Variants in SUMF1 observed in about 807,000 individuals in gnomAD.
SUMF1 encodes the protein sulfatase modifying factor 1, also known as formylglycine-generating enzyme.
In SUMF1, 48 loss-of-function variants were observed where a neutral mutation model predicts 47.6. The ratio of observed to expected loss-of-function variants is 1.01; its 90% CI spans 0.80 to 1.28. The LOEUF is 1.28. Among genes scored for constraint, SUMF1 ranks in the 50% most tolerant of loss-of-function variants. SUMF1 has a pLI of 0.00. For synonymous variants in SUMF1, 230 were observed against 192.1 expected, an observed-to-expected ratio of 1.20 and a Z score of -1.63; for missense variants, 571 against 485.4, an observed-to-expected ratio of 1.18 and a Z score of -1.66.
rs528375635 is a variant in SUMF1, at chr3:4,421,049, T to C, written c.520-903A>G. Among the ~76,000 whole-genome samples, 6 of 152,306 alleles carry C rather than the reference T, an allele frequency of 3.9e-5. No individual in the cohort carries two copies. In the East Asian group the frequency reaches 9.7e-4, roughly 25 times the overall value. Reference sequence around the variant, plus strand: ...GGTCAAGTGAGGTAAGATTGGAAAATGCTCAGCAAACAGTAACTAGAACCT... The same window carrying C: ...GGTCAAGTGAGGTAAGATTGGAAAACGCTCAGCAAACAGTAACTAGAACCT... On this transcript the variant is annotated intron_variant, in intron 3 of 8. Coordinates refer to ENST00000272902, the MANE Select transcript of SUMF1 (RefSeq NM_182760.4).
At chr3:4,132,795 G>C (rs971919644) in intron 8 of SUMF1, among the ~76,000 whole-genome samples, 3 of 152,112 alleles carry the variant, frequency 2.0e-5, no homozygotes, top group Admixed American at 1.3e-4. Flanking sequence ...CTATCAAGAA[G>C]AAATCAGTCT....
chr3:4,234,715 C>G (rs951606839), intron 8 of SUMF1, among the ~76,000 whole-genome samples: 27 of 152,062 alleles, frequency 1.8e-4, no homozygotes, highest in African/African-American at 6.0e-4. Flanking sequence ...AAGGGAATAT[C>G]TCAGCCAACT....
At chr3:4,264,313 G>C (rs907218819) in intron 8 of SUMF1, among the ~76,000 whole-genome samples, 1 of 152,270 alleles carries the variant, frequency 6.6e-6, no homozygotes, top group Admixed American at 6.5e-5. Flanking sequence ...GCTAATGAGG[G>C]AATCTGGGAA....
chr3:4,124,150 A>G (rs1020576828), intron 8 of SUMF1, among the ~76,000 whole-genome samples: 2 of 152,170 alleles, frequency 1.3e-5, no homozygotes, highest in East Asian at 3.8e-4. Context: ...TAAAAATCTC[A>G]TTTATAAGCA....
chr3:4,397,581 C>G (rs1428531708), intron 7 of SUMF1, among the ~76,000 whole-genome samples: 2 of 152,126 alleles, frequency 1.3e-5, no homozygotes, highest in Admixed American at 1.3e-4. Context: ...TTTCAGAGAA[C>G]CACTTGAAGA....
chr3:4,136,990 G>C (rs1693948899), intron 8 of SUMF1, among the ~76,000 whole-genome samples: 1 of 152,108 alleles, frequency 6.6e-6, no homozygotes, highest in African/African-American at 2.4e-5. Flanking sequence ...CGGAGGGGAT[G>C]TGGAGAAATA....
intron 3 of SUMF1, among the ~76,000 whole-genome samples, chr3:4,434,375 T>C (rs545985664): frequency 2.0e-4 from 30 of 152,258 alleles, no homozygotes; most frequent in Non-Finnish European, 3.5e-4. Context: ...TATTTCATAG[T>C]AAATTTCACA....
chr3:4,110,429 G>T (rs1436453616), intron 8 of SUMF1, among the ~76,000 whole-genome samples: 1 of 152,110 alleles, frequency 6.6e-6, no homozygotes, highest in Non-Finnish European at 1.5e-5. Flanking sequence ...GTGGAAGACA[G>T]TGCGGCAATT....
chr3:4,430,886 A>G (rs958769687), intron 3 of SUMF1, among the ~76,000 whole-genome samples: 9 of 152,146 alleles, frequency 5.9e-5, no homozygotes, highest in African/African-American at 2.2e-4. Flanking sequence ...ACAGGAGGCC[A>G]CCTGTATTAC....
rs368656710 is a variant in SUMF1 at position 4,086,383 on chromosome 3, C to T, written c.1015-17638G>A. ...CTTCACCTCTCCGGGACTTATTTTC[C>T]TCTGTGAAATTAAGAGGTTGGGTTA... is the stretch of plus-strand genomic sequence containing the variant. On this transcript the variant is annotated intron_variant and NMD_transcript_variant, in intron 8 of 12. Transcript: ENST00000448413. Among the ~76,000 whole-genome samples, 13 of 152,064 alleles carry T rather than the reference C, an allele frequency of 8.5e-5. 3 individuals are homozygous for T. The highest frequency in any genetic ancestry group is 6.6e-5 in the Admixed American group (1 of 15,264).
intron 9 of SUMF1, among the ~76,000 whole-genome samples, chr3:4,062,958 G>T (rs1360714304): frequency 2.0e-5 from 3 of 151,990 alleles, no homozygotes; most frequent in Non-Finnish European, 2.9e-5. Flanking sequence ...TGCTTTCCTT[G>T]GTTGCCTTAT....
intron 8 of SUMF1, among the ~76,000 whole-genome samples, chr3:4,148,723 G>A (rs1221620058): frequency 6.6e-6 from 1 of 152,054 alleles, no homozygotes; most frequent in African/African-American, 2.4e-5. Context: ...ACAGTCAATG[G>A]ACCACATTTG....
intron 8 of SUMF1, among the ~76,000 whole-genome samples, chr3:4,352,624 C>G (rs553149340): frequency 6.6e-6 from 1 of 151,240 alleles, no homozygotes; most frequent in African/African-American, 2.4e-5. Flanking sequence ...TTGCAAAGCC[C>G]TTTTTGGGAG....
At position 4,071,377 on chromosome 3, in the gene SUMF1, A is replaced by T. The variant is rs113374268; in HGVS notation, c.1015-2632T>A. On this transcript the variant is annotated intron_variant and NMD_transcript_variant, in intron 8 of 12. Transcript: ENST00000448413. ...CACCTGAAACACCAGGGATTGAGGG[A>T]TTTCCCCTTCCTAGCCAAGAGAAGC... Among the ~76,000 whole-genome samples the T allele has an allele frequency of 1.3e-3, 204 of 152,216 alleles. 2 individuals are homozygous for T. Among genetic ancestry groups the T allele is most frequent in the African/African-American group, 4.7e-3 (195 of 41,546 alleles).
intron 8 of SUMF1, among the ~76,000 whole-genome samples, chr3:4,294,687 T>C (rs73119328): frequency 0.081 from 12,324 of 152,176 alleles, 1,671 homozygotes; most frequent in African/African-American, 0.28. Context: ...CCAGGTTTCT[T>C]CTTGTCTGGA....
At chr3:4,392,500 A>C (rs1375475290) in intron 7 of SUMF1, among the ~76,000 whole-genome samples, 1 of 151,662 alleles carries the variant, frequency 6.6e-6, no homozygotes, top group African/African-American at 2.4e-5. Flanking sequence ...TTTTAGCTGA[A>C]AACTAGACAT....
rs534002367 is a variant in SUMF1 at position 4,042,661 on chromosome 3, A to G, written c.1191+25908T>C. Among the ~76,000 whole-genome samples, 4 of 152,210 alleles carry G rather than the reference A, an allele frequency of 2.6e-5. No homozygotes were observed. The East Asian group carries it at 7.7e-4, about 29-fold the overall frequency. On this transcript the variant is annotated intron_variant and NMD_transcript_variant, in intron 9 of 12. Transcript: ENST00000448413. ...TTCTTTTACCTCCCTGAGTACTCAT[A>G]TGGGCACAGCAGTCTCATTGCAGTG...
At position 4,276,293 on chromosome 3, in the gene SUMF1, T is replaced by C. The variant is rs577911689; in HGVS notation, c.1014+100037A>G. Among the ~76,000 whole-genome samples the C allele has an allele frequency of 6.6e-5, 10 of 152,314 alleles. No homozygotes were observed. In the South Asian group the frequency reaches 2.1e-3, roughly 32 times the overall value. On this transcript the variant is annotated intron_variant and NMD_transcript_variant, in intron 8 of 12. Coordinates refer to the SUMF1 transcript ENST00000448413. ...TAAGGCAGCACATTATGAATATGCATGTTGATTTAAATGAAGAAATAGCCT... is the reference window on the plus strand; with the variant it reads ...TAAGGCAGCACATTATGAATATGCACGTTGATTTAAATGAAGAAATAGCCT...
At chr3:4,098,867 A>C (rs1692965925) in intron 8 of SUMF1, among the ~76,000 whole-genome samples, 2 of 152,172 alleles carry the variant, frequency 1.3e-5, no homozygotes, top group South Asian at 4.1e-4. Flanking sequence ...CCACAAAGGA[A>C]TTTCTGACAA....
Sources: gnomAD v4.1 joint callset for allele counts (sites outside exome capture counted in the v4.1 genomes callset) on GRCh38, gnomAD v4.1.1 for gene constraint, MANE v1.5 for transcripts, NCBI Gene and HGNC (gene_info 2026-07-23, HGNC 2026-07-21) for gene names.